GPR39: variants seen among roughly 807,000 people sequenced by gnomAD.
GPR39 encodes zinc sensing receptor.
A neutral mutation model predicts 18.4 loss-of-function variants in GPR39; 23 were observed. The ratio of observed to expected loss-of-function variants is 1.25; its 90% confidence interval spans 0.90 to 1.77. The LOEUF is 1.77. Among genes scored for constraint, GPR39 ranks in the 40% most tolerant of loss-of-function variants. The pLI is 0.00. For missense variants in GPR39, 647 were observed against 602.4 expected, an observed-to-expected ratio of 1.07 and a Z score of -0.78; for synonymous variants, 280 against 257.9, an observed-to-expected ratio of 1.09 and a Z score of -0.82.
chr2:132,441,897 C>T (rs1223632912), intron 1 of GPR39, among the ~76,000 whole-genome samples: 1 of 152,184 alleles, frequency 6.6e-6, no homozygotes, highest in African/African-American at 2.4e-5. Flanking sequence ...TGCACTCACA[C>T]CCATGAATTT....
Position 132,645,560 on chromosome 2 carries a change from C to A in GPR39, c.1316C>A (p.Pro439Gln). ...ESLEPNSGAK[P>Q]ANSAAENGFQ... ...CTAGAGCCCAACTCAGGCGCGAAAC[C>A]AGCCAATTCTGCTGCAGAGAATGGT... The change falls in exon 2 of 2, where the codon CCA becomes CAA. Residue 439 changes from proline to glutamine, a missense_variant. By Grantham distance (76) the Pro-to-Gln change is moderately conservative. This residue lies in a region of GPR39 where 581 missense variants were observed against 506.8 expected (regional missense o/e 1.15). Coordinates refer to ENST00000329321, the MANE Select transcript of GPR39 (RefSeq NM_001508.3). The A allele has an allele frequency of 1.2e-6, 2 of 1,614,102 alleles. No homozygotes were observed. Among genetic ancestry groups the A allele is most frequent in the Non-Finnish European group, 1.7e-6 (2 of 1,180,006 alleles).
In GPR39 at chr2:132,596,825, G is replaced by A. The variant is rs1680958551; in HGVS notation, c.857-48276G>A. ...GATCTCTGGGAATGGAACTTCGGTAGAAATGTTTCTAAAAAGATCCCCTGT... is the reference window on the plus strand; with the variant it reads ...GATCTCTGGGAATGGAACTTCGGTAAAAATGTTTCTAAAAAGATCCCCTGT... On this transcript the variant is annotated intron_variant, in intron 1 of 1. Coordinates refer to ENST00000329321, the MANE Select transcript of GPR39 (RefSeq NM_001508.3). Among the ~76,000 whole-genome samples, 2 of 152,346 alleles carry A rather than the reference G, an allele frequency of 1.3e-5. 1 individual carries two copies. The highest frequency in any genetic ancestry group is 4.1e-4 in the South Asian group (2 of 4,822).
At chr2:132,599,668 TGC>T (rs1211842465) in intron 1 of GPR39, among the ~76,000 whole-genome samples, 2 of 140,130 alleles carry the variant, frequency 1.4e-5, no homozygotes, top group African/African-American at 3.3e-5. Flanking sequence ...TCAGGGACTG[TGC>T]TCTGCAGTGA....
chr2:132,501,684 C>T (rs1350594590), intron 1 of GPR39, among the ~76,000 whole-genome samples: 1 of 151,854 alleles, frequency 6.6e-6, no homozygotes, highest in African/African-American at 2.4e-5. Context: ...AGTAAAGTCC[C>T]TTACTGTTAT....
At chr2:132,622,152 G>A (rs907418524) in intron 1 of GPR39, among the ~76,000 whole-genome samples, 2 of 152,320 alleles carry the variant, frequency 1.3e-5, no homozygotes, top group Admixed American at 1.3e-4. Flanking sequence ...CCAGCATTTT[G>A]GGAGGCTGAG....
At chr2:132,599,753 TGAG>T (rs3065529) in intron 1 of GPR39, among the ~76,000 whole-genome samples, 26,354 of 152,048 alleles carry the variant, frequency 0.17, 2,392 homozygotes, top group Admixed American at 0.23. Context: ...TCTAGTGGGT[TGAG>T]GAGTGCAAGA....
chr2:132,560,729 T>C (rs1680236157), intron 1 of GPR39, among the ~76,000 whole-genome samples: 1 of 152,082 alleles, frequency 6.6e-6, no homozygotes, highest in Non-Finnish European at 1.5e-5. Flanking sequence ...CCTCACCAGG[T>C]AACATTTCCC....
chr2:132,627,152 A>G (rs1558863617), intron 1 of GPR39, among the ~76,000 whole-genome samples: 1 of 151,964 alleles, frequency 6.6e-6, no homozygotes, highest in Non-Finnish European at 1.5e-5. Flanking sequence ...TCCCATGTTC[A>G]TCACGGAGGG....
At chr2:132,445,597 CT>C (rs1160834753) in intron 1 of GPR39, among the ~76,000 whole-genome samples, 1 of 152,126 alleles carries the variant, frequency 6.6e-6, no homozygotes, top group Non-Finnish European at 1.5e-5. Flanking sequence ...TAGGTCTTTT[CT>C]TTCATTGCTT....
intron 1 of GPR39, among the ~76,000 whole-genome samples, chr2:132,445,488 A>G (rs2104767587): frequency 6.6e-6 from 1 of 152,356 alleles, no homozygotes; most frequent in African/African-American, 2.4e-5. Flanking sequence ...CTAGAGTTAC[A>G]TATTTATTTT....
intron 1 of GPR39, among the ~76,000 whole-genome samples, chr2:132,420,331 C>A (rs1358599666): frequency 2.6e-5 from 4 of 152,162 alleles, no homozygotes; most frequent in Non-Finnish European, 5.9e-5. Flanking sequence ...ATAGGAACCT[C>A]ACTAATTAAC....
At chr2:132,616,952 A>G (rs534643093) in intron 1 of GPR39, among the ~76,000 whole-genome samples, 1 of 152,200 alleles carries the variant, frequency 6.6e-6, no homozygotes, top group Non-Finnish European at 1.5e-5. Flanking sequence ...TCTGTACACA[A>G]ACACAAATGC....
chr2:132,476,862 G>A (rs1244363305), intron 1 of GPR39, among the ~76,000 whole-genome samples: 2 of 152,110 alleles, frequency 1.3e-5, no homozygotes, highest in Non-Finnish European at 2.9e-5. Flanking sequence ...GGGAAGGAAG[G>A]GAAAGGTTGG....
chr2:132,497,399 G>A (rs13414365), intron 1 of GPR39, among the ~76,000 whole-genome samples: 53,131 of 151,894 alleles, frequency 0.35, 10,404 homozygotes, highest in East Asian at 0.78. Flanking sequence ...CTGGGTGGGT[G>A]GGAGAATCCG....
intron 1 of GPR39, among the ~76,000 whole-genome samples, chr2:132,596,198 A>C (rs929015009): frequency 6.6e-6 from 1 of 152,120 alleles, no homozygotes; most frequent in African/African-American, 2.4e-5. Flanking sequence ...AAAATTGACT[A>C]CAAAGTGCTG....
chr2:132,627,981 A>G (rs980405834), intron 1 of GPR39, among the ~76,000 whole-genome samples: 1 of 152,160 alleles, frequency 6.6e-6, no homozygotes. Flanking sequence ...ACCCAGGTGG[A>G]CGCATCCCAA....
chr2:132,432,418 A>T (rs1265445146), intron 1 of GPR39, among the ~76,000 whole-genome samples: 3 of 152,202 alleles, frequency 2.0e-5, no homozygotes, highest in East Asian at 3.9e-4. Context: ...GGTTTCCAAC[A>T]TACAGATTTG....
intron 1 of GPR39, among the ~76,000 whole-genome samples, chr2:132,566,163 A>AT (rs1390208193): frequency 1.4e-5 from 2 of 147,510 alleles, no homozygotes; most frequent in African/African-American, 5.1e-5. Flanking sequence ...GATGATGAGC[A>AT]TTTTTTCATG....
chr2:132,621,928 G>A (rs1417705279), intron 1 of GPR39, among the ~76,000 whole-genome samples: 1 of 152,142 alleles, frequency 6.6e-6, no homozygotes, highest in Non-Finnish European at 1.5e-5. Context: ...TGGGGCATTA[G>A]AGAGGTCCTG....
Sources: allele counts gnomAD v4.1 joint callset (sites outside exome capture counted in the v4.1 genomes callset), GRCh38; gene constraint gnomAD v4.1.1; regional missense constraint gnomAD v4.1.1; transcripts MANE v1.5; gene names NCBI Gene and HGNC (gene_info 2026-07-23, HGNC 2026-07-21).